The following LGR4 variants were observed in gnomAD, a reference collection of about 807,000 sequenced individuals.
LGR4 encodes the protein leucine rich repeat containing G protein-coupled receptor 4.
In LGR4, 44 loss-of-function variants were observed where a neutral mutation model predicts 84.8. The ratio of observed to expected loss-of-function variants is 0.52; its 90% CI spans 0.41 to 0.67. The LOEUF (loss-of-function observed/expected upper bound fraction) is 0.67, where lower values mean the gene tolerates loss of function less well. Among genes scored for constraint, LGR4 ranks in the 30% least tolerant of loss-of-function variants. The pLI is 0.00. For synonymous variants in LGR4, 429 were observed against 434.3 expected, an observed-to-expected ratio of 0.99 and a Z score of 0.15; for missense variants, 1,032 against 1,131.4, an observed-to-expected ratio of 0.91 and a Z score of 1.26.
intron 1 of LGR4, among the ~76,000 whole-genome samples, chr11:27,453,649 T>C (rs973403409): frequency 1.3e-5 from 2 of 152,194 alleles, no homozygotes; most frequent in Non-Finnish European, 2.9e-5. Flanking sequence ...TGTTCAATTC[T>C]GTGTCCCCAG....
In LGR4 at chr11:27,382,229, T is replaced by C; in HGVS notation, c.717A>G (p.Glu239=). 1 of 1,608,832 alleles carries C rather than the reference T, an allele frequency of 6.2e-7. No individual in the cohort carries two copies. Among genetic ancestry groups the C allele is most frequent in the Non-Finnish European group, 8.5e-7 (1 of 1,175,644 alleles). ...GAAGGGCTTTAATAGCCTGAGGAAA[T>C]TCCCCCAAGTTATTATAATTCAAGT... ...TLDLNYNNLG[E]FPQAIKALPS... The change falls in exon 7 of 18, where the codon GAA becomes GAG. Residue 239 remains glutamate, a synonymous_variant. Transcript: ENST00000379214.
intron 2 of LGR4, among the ~76,000 whole-genome samples, chr11:27,410,026 T>A (rs139456196): frequency 3.3e-5 from 5 of 152,294 alleles, no homozygotes; most frequent in African/African-American, 1.2e-4. Context: ...CTGTCTAATA[T>A]AGTAGCAACC....
chr11:27,391,280 G>T, intron 3 of LGR4, 115 bp from the exon 4 acceptor site: 2 of 585,380 alleles, frequency 3.4e-6, no homozygotes, highest in South Asian at 2.3e-5. Context: ...GGAAAATGGG[G>T]GGGAGGTGGA....
chr11:27,418,130 C>A (rs143689779), intron 1 of LGR4, among the ~76,000 whole-genome samples: 32 of 152,226 alleles, frequency 2.1e-4, no homozygotes, highest in Non-Finnish European at 4.4e-5. Flanking sequence ...ATGTTATTAT[C>A]AATAGGTTTT....
At chr11:27,428,828 CT>C (rs1191586423) in intron 1 of LGR4, among the ~76,000 whole-genome samples, 1 of 152,184 alleles carries the variant, frequency 6.6e-6, no homozygotes, top group East Asian at 1.9e-4. Context: ...GATCCTCCTG[CT>C]TTGGCCTCCC....
Position 27,368,690 on chromosome 11 carries a change from C to T in LGR4, c.2033G>A (p.Cys678Tyr), listed in dbSNP as rs761930240. The change falls in exon 18 of 18, where the codon TGT becomes TAT. Residue 678 changes from cysteine (C) to tyrosine (Y), a missense_variant. Transcript: ENST00000379214. ...TTCCCCTCTATGGAAAAGGGGAAAA[C>T]AGCCTGCTACTGTAGCACCTAGGAA... ...LAFLGATVAG[C>Y]FPLFHRGEYS... is the part of the protein sequence containing the mutation. The T allele has an allele frequency of 6.8e-6, 11 of 1,613,680 alleles. No individual in the cohort carries two copies. Among genetic ancestry groups the T allele is most frequent in the African/African-American group, 1.3e-5 (1 of 74,888 alleles).
rs148654589 is a variant in LGR4 at position 27,400,799 on chromosome 11, T to C, written c.258-8281A>G. ...GGTGTGAGCCACCGCGCCTGGCCTG[T>C]TTTGTGTTATTTTCTACCGTTGACT... On this transcript the variant is annotated intron_variant, in intron 2 of 17. Transcript: ENST00000379214. Among the ~76,000 whole-genome samples the C allele has an allele frequency of 9.6e-3, 1,467 of 152,202 alleles. 15 individuals carry two copies. The highest frequency in any genetic ancestry group is 0.064 in the South Asian group (311 of 4,824).
chr11:27,367,928 T>C lies in LGR4; in HGVS notation c.2795A>G (p.Tyr932Cys), dbSNP rs767025843. Residue 932 changes from tyrosine to cysteine, a missense_variant, in exon 18 of 18, where the codon TAC becomes TGC. By Grantham distance (194) the Tyr-to-Cys change is radical. Transcript: ENST00000379214. ...CACCAAAGGGAATCCTCTACTCTGG[T>C]AGAAGCAGGCTCGTCCACAGGCCTG... ...QVQACGRACF[Y>C]QSRGFPLVRY... is the part of the protein sequence containing the mutation. 12 of 1,612,480 alleles carry C rather than the reference T, an allele frequency of 7.4e-6. No individual in the cohort carries two copies. In the East Asian group the frequency reaches 1.1e-4, roughly 15 times the overall value.
At chr11:27,470,158 A>G (rs1353695549) in intron 1 of LGR4, among the ~76,000 whole-genome samples, 1 of 152,240 alleles carries the variant, frequency 6.6e-6, no homozygotes, top group African/African-American at 2.4e-5. Context: ...AGATAATGCT[A>G]GTTTAGGCAC....
At chr11:27,433,398 T>A (rs1196580473) in intron 1 of LGR4, among the ~76,000 whole-genome samples, 12 of 11,742 alleles carry the variant, frequency 1.0e-3, no homozygotes, top group African/African-American at 4.0e-3. Context: ...TTTTTATTTC[T>A]TTTTTTTTTT....
chr11:27,416,484 T>G (rs1863822005), intron 1 of LGR4, among the ~76,000 whole-genome samples: 1 of 152,210 alleles, frequency 6.6e-6, no homozygotes, highest in Non-Finnish European at 1.5e-5. Flanking sequence ...TCGCTGCTCC[T>G]GGAAGCCATC....
At chr11:27,394,701 C>A (rs1863354624) in intron 2 of LGR4, among the ~76,000 whole-genome samples, 1 of 152,174 alleles carries the variant, frequency 6.6e-6, no homozygotes. Flanking sequence ...CTAGCAACCT[C>A]ATTTGTACCC....
In LGR4 at chr11:27,472,091, C is replaced by T. The variant is rs542579929; in HGVS notation, c.185+27G>A. The T allele has an allele frequency of 8.7e-4, 1,120 of 1,291,030 alleles. 19 individuals carry two copies. The highest frequency in any genetic ancestry group is 1.3e-3 in the Admixed American group (33 of 24,558). 80.0% of individuals were successfully genotyped at this position (1,291,030 alleles called of 1,614,324 possible). ...CGCTGGGCCCCGTTTCCTCCCCCCC[C>T]CTCGCGTCCCCGCCGCCCGCACTCA... On this transcript the variant is annotated intron_variant, in intron 1 of 17. Coordinates refer to ENST00000379214, the MANE Select transcript of LGR4 (RefSeq NM_018490.5).
intron 1 of LGR4, among the ~76,000 whole-genome samples, chr11:27,419,962 AAAATTTATGTGGT>A (rs2133407536): frequency 6.6e-6 from 1 of 152,258 alleles, no homozygotes; most frequent in Non-Finnish European, 1.5e-5. Flanking sequence ...AGGCATTAAA[AAAATTTATGTGGT>A]GATAGAAATG....
intron 1 of LGR4, among the ~76,000 whole-genome samples, chr11:27,452,843 TG>T (rs1864510050): frequency 1.3e-5 from 2 of 151,320 alleles, no homozygotes; most frequent in African/African-American, 2.4e-5. Context: ...CTGTTGAACT[TG>T]GTTTTAATCA....
At chr11:27,467,218 A>G (rs1864792360) in intron 1 of LGR4, among the ~76,000 whole-genome samples, 1 of 152,150 alleles carries the variant, frequency 6.6e-6, no homozygotes, top group African/African-American at 2.4e-5. Context: ...GAGATTCTAC[A>G]GTTTAGACAC....
At chr11:27,431,162 C>T (rs1397510985) in intron 1 of LGR4, among the ~76,000 whole-genome samples, 1 of 152,080 alleles carries the variant, frequency 6.6e-6, no homozygotes, top group African/African-American at 2.4e-5. Context: ...AGAAAACAAA[C>T]TTTCTTCAGC....
intron 1 of LGR4, among the ~76,000 whole-genome samples, chr11:27,415,611 G>A (rs1413361630): frequency 1.3e-5 from 2 of 152,086 alleles, no homozygotes; most frequent in African/African-American, 2.4e-5. Context: ...TCAGATTCAG[G>A]AGTAATACTT....
intron 1 of LGR4, among the ~76,000 whole-genome samples, chr11:27,447,868 A>G (rs1177159763): frequency 6.6e-6 from 1 of 152,242 alleles, no homozygotes; most frequent in Non-Finnish European, 1.5e-5. Context: ...TTTTAAAAAT[A>G]TATGTACAAC....
Sources: gnomAD v4.1 joint callset for allele counts (sites outside exome capture counted in the v4.1 genomes callset) on GRCh38, gnomAD v4.1.1 for gene constraint, MANE v1.5 for transcripts, NCBI Gene and HGNC (gene_info 2026-07-23, HGNC 2026-07-21) for gene names.